LAMA3: variants seen among roughly 807,000 people sequenced by gnomAD.
LAMA3 encodes laminin subunit alpha 3, also known as laminin subunit alpha-3.
LAMA3 carries 281 observed loss-of-function variants against 402.0 expected under a neutral mutation model. That is an observed-to-expected ratio of 0.70 (90% CI 0.63 to 0.77). The LOEUF is 0.77. Ranked by LOEUF, LAMA3 falls within the 30% of genes least tolerant of loss-of-function variation. LAMA3 has a pLI of 0.00. For missense variants in LAMA3, 3,840 were observed against 4,215.5 expected (o/e 0.91, Z 2.47); for synonymous variants, 1,431 against 1,558.4 (o/e 0.92, Z 1.93).
intron 62 of LAMA3, among the ~76,000 whole-genome samples, chr18:23,924,029 A>AT (rs2081928132): frequency 6.6e-6 from 1 of 152,182 alleles, no homozygotes; most frequent in African/African-American, 2.4e-5. Flanking sequence ...TTTTAAAACA[A>AT]TTTTTTGTAG....
At chr18:23,897,139 T>A (rs182289435) in intron 44 of LAMA3, among the ~76,000 whole-genome samples, 17 of 152,218 alleles carry the variant, frequency 1.1e-4, no homozygotes, top group African/African-American at 4.1e-4. Flanking sequence ...AAAGACCCAA[T>A]TGAAAATCAT....
At chr18:23,865,356 C>A (rs1164872490) in intron 36 of LAMA3, among the ~76,000 whole-genome samples, 1 of 152,190 alleles carries the variant, frequency 6.6e-6, no homozygotes, top group Non-Finnish European at 1.5e-5. Context: ...AGGCTGGCCT[C>A]AAACTCCTAG....
At chr18:23,707,378 G>T (rs960490012) in intron 1 of LAMA3, among the ~76,000 whole-genome samples, 1 of 152,220 alleles carries the variant, frequency 6.6e-6, no homozygotes, top group African/African-American at 2.4e-5. Flanking sequence ...GAATCTTCTA[G>T]CCCTTTTAAG....
chr18:23,858,027 T>C, intron 33 of LAMA3, 39 bp downstream of exon 33: 1 of 1,613,736 alleles, frequency 6.2e-7, no homozygotes, highest in Non-Finnish European at 8.5e-7. Flanking sequence ...CAGCTGCCGG[T>C]CAGCAGGAAA....
At chr18:23,798,587 G>A (rs1447053190) in intron 12 of LAMA3, among the ~76,000 whole-genome samples, 1 of 152,206 alleles carries the variant, frequency 6.6e-6, no homozygotes, top group Non-Finnish European at 1.5e-5. Flanking sequence ...CACTGGGCTG[G>A]CAGTGGGAAG....
At chr18:23,817,321 ATC>A (rs1285792153) in intron 18 of LAMA3, among the ~76,000 whole-genome samples, 2 of 152,242 alleles carry the variant, frequency 1.3e-5, no homozygotes, top group African/African-American at 2.4e-5. Context: ...TAACTTCTGA[ATC>A]TCAGGTCCCT....
intron 37 of LAMA3, among the ~76,000 whole-genome samples, chr18:23,868,393 A>T (rs1409790428): frequency 6.6e-6 from 1 of 152,192 alleles, no homozygotes; most frequent in Admixed American, 6.5e-5. Context: ...ACAATTAATT[A>T]TCCATATCTT....
chr18:23,789,457 A>G (rs888201552), intron 12 of LAMA3, among the ~76,000 whole-genome samples: 1 of 152,246 alleles, frequency 6.6e-6, no homozygotes, highest in Non-Finnish European at 1.5e-5. Context: ...AATGTGGGAT[A>G]GCCATACAAT....
intron 60 of LAMA3, among the ~76,000 whole-genome samples, chr18:23,920,341 G>A (rs889263342): frequency 4.6e-5 from 7 of 152,298 alleles, no homozygotes; most frequent in Middle Eastern, 3.4e-3. Context: ...CCTGAAGACA[G>A]GTCTAGGCTG....
chr18:23,806,656 G>A (rs1003340174), intron 12 of LAMA3, among the ~76,000 whole-genome samples: 1 of 152,206 alleles, frequency 6.6e-6, no homozygotes, highest in Non-Finnish European at 1.5e-5. Flanking sequence ...AATTTTCAAA[G>A]TCCTATTCCT....
Position 23,954,910 on chromosome 18 carries a change from T to TA in LAMA3, c.*264dup. On this transcript the variant is annotated 3_prime_UTR_variant, in exon 75 of 75. Coordinates refer to ENST00000313654, the MANE Select transcript of LAMA3 (RefSeq NM_198129.4). ...ATGCACAGAATGTTTTTGGTAATAT[T>TA]AATTTCCACTAAAAAATTAAATGTC... The TA allele has an allele frequency of 4.6e-6, 2 of 431,204 alleles. No individual in the cohort carries two copies. Among genetic ancestry groups the TA allele is most frequent in the African/African-American group, 2.0e-5 (1 of 50,592 alleles). 26.7% of individuals were successfully genotyped at this position (431,204 alleles called of 1,614,324 possible). A position where few individuals can be genotyped will look rare whatever the true frequency, so the allele number is the denominator to read the frequency against.
intron 2 of LAMA3, among the ~76,000 whole-genome samples, chr18:23,733,720 A>C (rs2061430035): frequency 6.6e-6 from 1 of 152,060 alleles, no homozygotes; most frequent in Admixed American, 6.6e-5. Context: ...AGTTTGCCTG[A>C]GATTGAGGGG....
chr18:23,839,874 A>T lies in LAMA3; in HGVS notation c.3281A>T (p.Gln1094Leu), dbSNP rs761308908. ...GGCAGGCCTTTCCCTCACCTGCCCC[A>T]GCAGTCGTCACCTTCTGTTGATGTT... ...LSGRPFPHLP[Q>L]QSSPSVDVLP... The change falls in exon 27 of 75, where the codon CAG becomes CTG. Residue 1094 changes from glutamine (Q) to leucine (L), a missense_variant. Coordinates refer to ENST00000313654, the MANE Select transcript of LAMA3 (RefSeq NM_198129.4). This position sits in a 1 kb window ranked among gnomAD's most constrained non-coding sequence, Gnocchi z 4.5. 2.5e-6 allele frequency: 4 copies of T among 1,614,210 alleles called. No individual in the cohort carries two copies. Among genetic ancestry groups the T allele is most frequent in the Non-Finnish European group, 3.4e-6 (4 of 1,180,034 alleles).
intron 12 of LAMA3, among the ~76,000 whole-genome samples, chr18:23,803,448 G>A (rs9807659): frequency 6.6e-6 from 1 of 151,946 alleles, no homozygotes; most frequent in Non-Finnish European, 1.5e-5. Context: ...AGAGGCTGCC[G>A]GGTATCCACA....
intron 27 of LAMA3, among the ~76,000 whole-genome samples, chr18:23,842,124 C>A (rs762749932): frequency 2.6e-5 from 4 of 152,154 alleles, no homozygotes; most frequent in Non-Finnish European, 4.4e-5. Flanking sequence ...ATACCCCCTC[C>A]AACATGTATG....
At chr18:23,917,982 C>T (rs115180474) in intron 60 of LAMA3, among the ~76,000 whole-genome samples, 45 of 151,856 alleles carry the variant, frequency 3.0e-4, no homozygotes, top group African/African-American at 1.1e-3. Flanking sequence ...ATTTCTATGT[C>T]TAGAATAGGT....
At chr18:23,950,222 A>G (rs2082859813) in intron 72 of LAMA3, 63 bp downstream of exon 72, 1 of 1,600,656 alleles carries the variant, frequency 6.2e-7, no homozygotes, top group South Asian at 1.1e-5. Flanking sequence ...TCTGGAGGCC[A>G]CAGCGGGTCA....
At chr18:23,827,639 G>C (rs192197245) in intron 23 of LAMA3, among the ~76,000 whole-genome samples, 172 bp downstream of exon 23, 2 of 152,154 alleles carry the variant, frequency 1.3e-5, no homozygotes, top group African/African-American at 4.8e-5. Flanking sequence ...TGGATGGTAC[G>C]CTACATGGAG....
At chr18:23,823,748 A>G (rs990118334) in intron 20 of LAMA3, among the ~76,000 whole-genome samples, 3 of 152,236 alleles carry the variant, frequency 2.0e-5, no homozygotes, top group Non-Finnish European at 2.9e-5. Context: ...TCTCAATTGA[A>G]CTTAGATGCA....
Sources: allele counts gnomAD v4.1 joint callset (sites outside exome capture counted in the v4.1 genomes callset), GRCh38; gene constraint gnomAD v4.1.1; non-coding constraint Gnocchi (gnomAD v3.1); transcripts MANE v1.5; gene names NCBI Gene and HGNC (gene_info 2026-07-23, HGNC 2026-07-21).